RDH11: variants seen among roughly 807,000 people sequenced by gnomAD.
The protein encoded by RDH11 is retinol dehydrogenase 11.
RDH11 carries 19 observed loss-of-function variants against 33.4 expected under a neutral mutation model. The ratio of observed to expected loss-of-function variants is 0.57; its 90% CI spans 0.40 to 0.83. The LOEUF (loss-of-function observed/expected upper bound fraction) is 0.83. Among genes scored for constraint, RDH11 ranks in the 40% least tolerant of loss-of-function variants. The probability of loss-of-function intolerance (pLI) is 0.00; values close to 1 mark genes in which losing one functional copy is unlikely to be tolerated. For missense variants in RDH11, 353 were observed against 389.0 expected (o/e 0.91, Z 0.78); for synonymous variants, 154 against 155.3 (o/e 0.99, Z 0.06).
chr14:67,695,672 A>G lies in RDH11; in HGVS notation c.32T>C (p.Leu11Pro), dbSNP rs759281586. The change falls in exon 1 of 7, where the codon CTC (leucine) becomes CCC (proline). Residue 11 changes from leucine (L) to proline (P), a missense_variant. Transcript: ENST00000381346. The stretch of plus-strand genomic sequence containing the variant: ...CATATACAGAAGGAAGGGCAGAAGG[A>G]GGAGCAACAGCGGGAACATGAGCTC... MVELMFPLLL[L>P]LLPFLLYMAA... 2.4e-5 allele frequency: 38 copies of G among 1,614,114 alleles called. No homozygotes were observed. The highest frequency in any genetic ancestry group is 3.1e-5 in the Non-Finnish European group (37 of 1,180,046).
At position 67,685,063 on chromosome 14, in the gene RDH11, T is replaced by G. The variant is rs2037659773; in HGVS notation, c.806A>C (p.His269Pro). ...TPQQGAQTSL[H>P]CALTEGLEIL... ...CTCAAGACCTTCTGTTAAGGCACAG[T>G]GCAGGCTGGTCTGGGCTCCCTGCTG... Residue 269 changes from histidine (H) to proline (P), a missense_variant, in exon 6 of 7, where the codon CAC becomes CCC. Coordinates refer to ENST00000381346, the MANE Select transcript of RDH11 (RefSeq NM_016026.4). 1 of 1,614,170 alleles carries G rather than the reference T, an allele frequency of 6.2e-7. No homozygotes were observed. Among genetic ancestry groups the G allele is most frequent in the Non-Finnish European group, 8.5e-7 (1 of 1,180,024 alleles).
At position 67,692,520 on chromosome 14, in the gene RDH11, T is replaced by C; in HGVS notation, c.267A>G (p.Thr89=). The C allele has an allele frequency of 1.9e-6, 3 of 1,613,544 alleles. No individual in the cohort carries two copies. The highest frequency in any genetic ancestry group is 2.5e-6 in the Non-Finnish European group (3 of 1,179,824). ...TCCGCACCAACACCTGCTGGTTCCC[T>C]GTCGTGGTCTGGATCTCTTTGGCCA... ...ELVAKEIQTT[T]GNQQVLVRKL... is the part of the protein sequence containing the mutation. The change falls in exon 3 of 7, where the codon ACA becomes ACG. Residue 89 remains threonine (T), a synonymous_variant. Transcript: ENST00000381346.
At position 67,694,924 on chromosome 14, in the gene RDH11, T is replaced by C. The variant is rs146081546; in HGVS notation, c.74+706A>G. 2.6e-3 allele frequency among the ~76,000 whole-genome samples: 398 copies of C among 152,062 alleles called. 2 individuals are homozygous for C. Among genetic ancestry groups the C allele is most frequent in the Non-Finnish European group, 4.6e-3 (316 of 67,996 alleles). ...TTAGAACCAATAAGCAGGCTGCCGGTTTTACAGCCCGCTGCTGATTCACTG... is the reference window on the plus strand; with the variant it reads ...TTAGAACCAATAAGCAGGCTGCCGGCTTTACAGCCCGCTGCTGATTCACTG... On this transcript the variant is annotated intron_variant, in intron 1 of 6. Coordinates refer to ENST00000381346, the MANE Select transcript of RDH11 (RefSeq NM_016026.4).
At position 67,677,560 on chromosome 14, in the gene RDH11, A is replaced by C. The variant is rs1445386459; in HGVS notation, c.*761T>G. The C allele has an allele frequency of 6.6e-6, 1 of 150,704 alleles. No individual in the cohort carries two copies. 9.3% of individuals were successfully genotyped at this position (150,704 alleles called of 1,614,324 possible). A position where few individuals can be genotyped will look rare whatever the true frequency, so the allele number is the denominator to read the frequency against. On this transcript the variant is annotated 3_prime_UTR_variant, in exon 7 of 7. Transcript: ENST00000381346. ...CCCTTCATTTTGTGCATTATCTTCC[A>C]GTATTCTCCTTCTCTTTTTTTACTT...
intron 5 of RDH11, among the ~76,000 whole-genome samples, chr14:67,685,772 C>T (rs1459219870): frequency 1.3e-5 from 2 of 152,064 alleles, no homozygotes; most frequent in Non-Finnish European, 2.9e-5. Context: ...TGCGCCACCA[C>T]ACCAGGCTAA....
rs542992239 is a variant in RDH11 at position 67,677,588 on chromosome 14, T to C, written c.*733A>G. 3.9e-5 allele frequency: 6 copies of C among 152,166 alleles called. No individual in the cohort carries two copies. Among genetic ancestry groups the C allele is most frequent in the African/African-American group, 1.4e-4 (6 of 41,502 alleles). 9.4% of individuals were successfully genotyped at this position (152,166 alleles called of 1,614,324 possible). A position where few individuals can be genotyped will look rare whatever the true frequency, so the allele number is the denominator to read the frequency against. On this transcript the variant is annotated 3_prime_UTR_variant, in exon 7 of 7. Transcript: ENST00000381346. The stretch of plus-strand genomic sequence containing the variant: ...ATTCTCCTTCTCTTTTTTTACTTCT[T>C]CCCTGCTACCCATGTGCTCTTGGTG...
At position 67,694,213 on chromosome 14, in the gene RDH11, C is replaced by T. The variant is rs1361960818; in HGVS notation, c.75-1161G>A. Among the ~76,000 whole-genome samples the T allele has an allele frequency of 2.0e-5, 3 of 152,244 alleles. No homozygotes were observed. In the Middle Eastern group the frequency reaches 0.01, roughly 518 times the overall value. Reference sequence around the variant, plus strand: ...ATGCTGACAGGGAGGCAGATTAACTCATGGTCCCCACAAACCATCACCTCC... The same window carrying T: ...ATGCTGACAGGGAGGCAGATTAACTTATGGTCCCCACAAACCATCACCTCC... On this transcript the variant is annotated intron_variant, in intron 1 of 6. Coordinates refer to ENST00000381346, the MANE Select transcript of RDH11 (RefSeq NM_016026.4).
At chr14:67,690,469 G>A in intron 4 of RDH11, 48 bp from the exon 5 acceptor site, 1 of 1,542,154 alleles carries the variant, frequency 6.5e-7, no homozygotes, top group Non-Finnish European at 9.0e-7. Flanking sequence ...ATGTAGGAAT[G>A]ACAGGAGTCG....
chr14:67,682,953 T>C (rs990058989), intron 6 of RDH11, among the ~76,000 whole-genome samples: 2 of 152,224 alleles, frequency 1.3e-5, no homozygotes, highest in Admixed American at 6.5e-5. Context: ...TTGATAACAT[T>C]AAGCTGAGTA....
At position 67,691,259 on chromosome 14, in the gene RDH11, C is replaced by A; in HGVS notation, c.350-15G>T. 1 of 1,594,650 alleles carries A rather than the reference C, an allele frequency of 6.3e-7. No homozygotes were observed. Among genetic ancestry groups the A allele is most frequent in the Non-Finnish European group, 8.6e-7 (1 of 1,163,260 alleles). Reference sequence around the variant, plus strand: ...GTGCTTTTCCTCTGCAGGGACAAGACGATGGAGCGTGGAAGTGGCTAGCCA... The same window carrying A: ...GTGCTTTTCCTCTGCAGGGACAAGAAGATGGAGCGTGGAAGTGGCTAGCCA... On this transcript the variant is annotated splice_polypyrimidine_tract_variant and intron_variant, in intron 3 of 6. Coordinates refer to ENST00000381346, the MANE Select transcript of RDH11 (RefSeq NM_016026.4).
At chr14:67,683,606 A>T (rs990744728) in intron 6 of RDH11, among the ~76,000 whole-genome samples, 2 of 152,232 alleles carry the variant, frequency 1.3e-5, no homozygotes, top group African/African-American at 4.8e-5. Flanking sequence ...TTTGCCTCTA[A>T]TCAAAAGAGT....
chr14:67,692,549 A>G lies in RDH11; in HGVS notation c.238T>C (p.Leu80=). ...LACRDVEKGE[L]VAKEIQTTTG... is the part of the protein sequence containing the mutation. ...GTGGTCTGGATCTCTTTGGCCACCA[A>G]TTCCCCCTTTTCCACATCCCGGCAA... The change falls in exon 3 of 7, where the codon TTG becomes CTG. Residue 80 remains leucine, a synonymous_variant. Coordinates refer to ENST00000381346, the MANE Select transcript of RDH11 (RefSeq NM_016026.4). The G allele has an allele frequency of 6.2e-7, 1 of 1,609,598 alleles. No homozygotes were observed. Among genetic ancestry groups the G allele is most frequent in the Non-Finnish European group, 8.5e-7 (1 of 1,178,336 alleles).
chr14:67,686,745 G>A (rs1280214272), intron 5 of RDH11, among the ~76,000 whole-genome samples: 1 of 151,864 alleles, frequency 6.6e-6, no homozygotes, highest in Non-Finnish European at 1.5e-5. Context: ...GCTGGGGCCA[G>A]ACATACTTCA....
At position 67,677,209 on chromosome 14, in the gene RDH11, A is replaced by C. The variant is rs1214569113; in HGVS notation, c.*1112T>G. On this transcript the variant is annotated 3_prime_UTR_variant, in exon 7 of 7. Coordinates refer to ENST00000381346, the MANE Select transcript of RDH11 (RefSeq NM_016026.4). ...ACTTTTGATAAGAAGTCTCCAAATA[A>C]AATACAAAATTTTGGCACAGACATT... The C allele has an allele frequency of 5.9e-5, 9 of 152,170 alleles. No homozygotes were observed. Among genetic ancestry groups the C allele is most frequent in the Non-Finnish European group, 1.3e-4 (9 of 68,040 alleles). 9.4% of individuals were successfully genotyped at this position (152,170 alleles called of 1,614,324 possible).
intron 1 of RDH11, among the ~76,000 whole-genome samples, chr14:67,694,196 AG>A (rs1291307886): frequency 6.6e-6 from 1 of 152,156 alleles, no homozygotes; most frequent in Non-Finnish European, 1.5e-5. Flanking sequence ...AAATGCTGAC[AG>A]GGAGGCAGAT....
At position 67,690,393 on chromosome 14, in the gene RDH11, T is replaced by C. The variant is rs199515291; in HGVS notation, c.483A>G (p.Leu161=). The C allele has an allele frequency of 5.0e-6, 8 of 1,614,080 alleles. No homozygotes were observed. Among genetic ancestry groups the C allele is most frequent in the South Asian group, 2.2e-5 (2 of 91,090 alleles). Reference sequence around the variant, plus strand: ...ATGGGGCTGATTCCTTTAGTTTCTCTAGCAGCAGATGGGTTAGGAGGAAGT... The same window carrying C: ...ATGGGGCTGATTCCTTTAGTTTCTCCAGCAGCAGATGGGTTAGGAGGAAGT... ...LGHFLLTHLL[L]EKLKESAPSR... is the part of the protein sequence containing the mutation. Residue 161 remains leucine (L), a synonymous_variant, in exon 5 of 7, where the codon CTA becomes CTG. Coordinates refer to ENST00000381346, the MANE Select transcript of RDH11 (RefSeq NM_016026.4).
rs372338135 is a variant in RDH11 at position 67,695,734 on chromosome 14, A to G, written c.-31T>C. 1.8e-4 allele frequency: 292 copies of G among 1,609,540 alleles called. 1 individual carries two copies. In the African/African-American group the frequency reaches 3.4e-3, roughly 19 times the overall value. On this transcript the variant is annotated 5_prime_UTR_variant, in exon 1 of 7. Coordinates refer to ENST00000381346, the MANE Select transcript of RDH11 (RefSeq NM_016026.4). ...CCGGCTGCAGCGGCACCAGAGCGGG[A>G]TGCTCCAGCGTTGCTCGCCGACTAT...
chr14:67,685,218 G>T lies in RDH11; in HGVS notation c.665-14C>A. The T allele has an allele frequency of 6.2e-7, 1 of 1,604,580 alleles. No homozygotes were observed. Among genetic ancestry groups the T allele is most frequent in the Non-Finnish European group, 8.5e-7 (1 of 1,174,778 alleles). Reference sequence around the variant, plus strand: ...TAACGCCAGAGCCTGGTTGGGGGTGGCATGAAGAGAGGGTAAGACAGGACT... The same window carrying T: ...TAACGCCAGAGCCTGGTTGGGGGTGTCATGAAGAGAGGGTAAGACAGGACT... On this transcript the variant is annotated splice_polypyrimidine_tract_variant and intron_variant, in intron 5 of 6. Transcript: ENST00000381346.
rs371712737 is a variant in RDH11 at position 67,681,556 on chromosome 14, G to GT, written c.855-3134_855-3133insA. Among the ~76,000 whole-genome samples the GT allele has an allele frequency of 3.0e-4, 46 of 152,226 alleles. 1 individual carries two copies. Among genetic ancestry groups the GT allele is most frequent in the African/African-American group, 1.1e-3 (45 of 41,524 alleles). On this transcript the variant is annotated intron_variant, in intron 6 of 6. Transcript: ENST00000381346. ...CCAGCACTTTGGGAGGCCGAGGAGG[G>GT]GGATCACTTGAAGTCAGGAGTTGGA...
Sources: allele counts gnomAD v4.1 joint callset (sites outside exome capture counted in the v4.1 genomes callset), GRCh38; gene constraint gnomAD v4.1.1; transcripts MANE v1.5; gene names NCBI Gene and HGNC (gene_info 2026-07-23, HGNC 2026-07-21).